Variants in INSR observed in about 807,000 individuals in gnomAD.
INSR encodes insulin receptor, also known as IR.
A neutral mutation model predicts 142.6 loss-of-function variants in INSR; 67 were observed. The ratio of observed to expected loss-of-function variants is 0.47; its 90% CI spans 0.39 to 0.58. The LOEUF (loss-of-function observed/expected upper bound fraction) is 0.58. Ranked by LOEUF, INSR falls within the 20% of genes least tolerant of loss-of-function variation. INSR has a pLI of 0.00. For missense variants in INSR, 1,248 were observed against 1,833.2 expected (o/e 0.68, Z 5.83); for synonymous variants, 756 against 743.1 (o/e 1.02, Z -0.28).
At position 7,184,328 on chromosome 19, in the gene INSR, A is replaced by T; in HGVS notation, c.962T>A (p.Met321Lys). Residue 321 changes from methionine (M) to lysine (K), a missense_variant, in exon 3 of 22, where the codon ATG becomes AAG. This residue lies in a region of INSR where 1,069 missense variants were observed against 1,654.0 expected (regional missense o/e 0.65). Transcript: ENST00000302850. ...ATCCAGAACTCACTTGCTGGAATTC[A>T]TCGTGTACCCGGAGGGACACTCAGG... ...CIPECPSGYT[M>K]NSSNLLCTPC... 1 of 1,613,768 alleles carries T rather than the reference A, an allele frequency of 6.2e-7. No homozygotes were observed. Among genetic ancestry groups the T allele is most frequent in the Non-Finnish European group, 8.5e-7 (1 of 1,179,964 alleles).
At chr19:7,140,241 C>T (rs1057161399) in intron 13 of INSR, among the ~76,000 whole-genome samples, 3 of 152,186 alleles carry the variant, frequency 2.0e-5, no homozygotes, top group African/African-American at 4.8e-5. Flanking sequence ...AGGACTCCCT[C>T]TCAAAGTTCC....
Position 7,249,058 on chromosome 19 carries a change from T to C in INSR, c.652+18287A>G, listed in dbSNP as rs115550139. On this transcript the variant is annotated intron_variant, in intron 2 of 21. Transcript: ENST00000302850. ...ACAGGCGTGAGTTACTGCGCCCATG[T>C]CCCCCAGTATCTTTTGAAGCCATCC... Among the ~76,000 whole-genome samples, 1,415 of 152,186 alleles carry C rather than the reference T, an allele frequency of 9.3e-3. 22 individuals carry two copies. The highest frequency in any genetic ancestry group is 0.032 in the African/African-American group (1,336 of 41,540).
intron 17 of INSR, among the ~76,000 whole-genome samples, chr19:7,123,582 T>A (rs1204974425): frequency 2.0e-5 from 3 of 152,078 alleles, no homozygotes; most frequent in African/African-American, 7.2e-5. Context: ...AACCCTCCTT[T>A]CCTCCCTTTC....
intron 2 of INSR, among the ~76,000 whole-genome samples, chr19:7,237,677 A>T (rs1345659283): frequency 2.0e-5 from 3 of 150,284 alleles, no homozygotes; most frequent in Non-Finnish European, 4.4e-5. Context: ...TTAGCCAGGC[A>T]TGGTGGCGGG....
chr19:7,258,834 T>C (rs1383963542), intron 2 of INSR, among the ~76,000 whole-genome samples: 1 of 148,960 alleles, frequency 6.7e-6, no homozygotes, highest in African/African-American at 2.5e-5. Flanking sequence ...CAAGACAGAA[T>C]GAGAAGGCTG....
chr19:7,264,799 G>T (rs936675201), intron 2 of INSR, among the ~76,000 whole-genome samples: 5 of 152,146 alleles, frequency 3.3e-5, no homozygotes, highest in Admixed American at 1.3e-4. Flanking sequence ...TTTCCACAGT[G>T]CAATAATAAC....
intron 1 of INSR, among the ~76,000 whole-genome samples, chr19:7,280,220 C>A (rs890731894): frequency 6.6e-6 from 1 of 151,274 alleles, no homozygotes; most frequent in East Asian, 2.0e-4. Flanking sequence ...GTCGAGACTG[C>A]GCCACTGCAC....
chr19:7,119,651 A>AAC lies in INSR; in HGVS notation c.3660-70_3660-69dup, dbSNP rs4031067. ...ACACACACACACACGCGCGCGCGCA[A>AAC]ACACACACACGCAAACGCACACACA... On this transcript the variant is annotated intron_variant, in intron 20 of 21. Coordinates refer to ENST00000302850, the MANE Select transcript of INSR (RefSeq NM_000208.4). The surrounding 1 kb of genome is among the most constrained non-coding windows in gnomAD (Gnocchi z 5.2). 2.7e-6 allele frequency: 4 copies of AAC among 1,478,958 alleles called. No individual in the cohort carries two copies. Among genetic ancestry groups the AAC allele is most frequent in the East Asian group, 2.2e-5 (1 of 44,562 alleles). The allele number at this position is 1,478,958 out of a possible 1,614,324, so 91.6% of individuals were successfully genotyped here.
chr19:7,217,581 C>T (rs545523328), intron 2 of INSR, among the ~76,000 whole-genome samples: 6 of 152,262 alleles, frequency 3.9e-5, no homozygotes, highest in South Asian at 2.1e-4. Flanking sequence ...TTTTTTGAGA[C>T]GGAGTCTCGC....
chr19:7,201,817 A>G (rs1298808133), intron 2 of INSR, among the ~76,000 whole-genome samples: 1 of 131,842 alleles, frequency 7.6e-6, no homozygotes, highest in African/African-American at 2.9e-5. Context: ...CGCGGCCACC[A>G]CGCCTAGCTA....
chr19:7,178,051 CTTG>C (rs1974180881), intron 3 of INSR, among the ~76,000 whole-genome samples: 1 of 151,992 alleles, frequency 6.6e-6, no homozygotes, highest in African/African-American at 2.4e-5. Flanking sequence ...TGGTGGCATC[CTTG>C]TTGCTGCTGC....
At chr19:7,137,545 T>C (rs1439022212) in intron 13 of INSR, among the ~76,000 whole-genome samples, 1 of 152,060 alleles carries the variant, frequency 6.6e-6, no homozygotes, top group Non-Finnish European at 1.5e-5. Flanking sequence ...CCCAGCACTT[T>C]GGGATGCCAA....
chr19:7,224,310 G>A (rs965234740), intron 2 of INSR, among the ~76,000 whole-genome samples: 2 of 146,888 alleles, frequency 1.4e-5, no homozygotes, highest in African/African-American at 5.1e-5. Context: ...GCAAATCTCC[G>A]TTTCAGTCTT....
rs1973295591 is a variant in INSR, at chr19:7,150,052, T to C, written c.2267+445A>G. Among the ~76,000 whole-genome samples the C allele has an allele frequency of 6.6e-6, 1 of 152,164 alleles. No individual in the cohort carries two copies. ...ACGGTGTTCTTTTGTTCATACCCTGTCGCCCTTTCATGAAAATATTCTGTT... is the reference window on the plus strand; with the variant it reads ...ACGGTGTTCTTTTGTTCATACCCTGCCGCCCTTTCATGAAAATATTCTGTT... On this transcript the variant is annotated intron_variant, in intron 11 of 21. Transcript: ENST00000302850. The surrounding 1 kb of genome is among the most constrained non-coding windows in gnomAD (Gnocchi z 4.2).
At chr19:7,293,061 A>T (rs1023075507) in intron 1 of INSR, among the ~76,000 whole-genome samples, 1 of 152,212 alleles carries the variant, frequency 6.6e-6, no homozygotes, top group Non-Finnish European at 1.5e-5. Flanking sequence ...GCATAACTGT[A>T]TCTGCCTCCG....
chr19:7,152,405 GAA>G lies in INSR; in HGVS notation c.2231+319_2231+320del, dbSNP rs77282303. The G allele has an allele frequency of 1.7e-4, 56 of 339,166 alleles. No homozygotes were observed. In the East Asian group the frequency reaches 2.2e-3, roughly 13 times the overall value. The allele number at this position is 339,166 out of a possible 1,614,324, so 21.0% of individuals were successfully genotyped here. The stretch of plus-strand genomic sequence containing the variant: ...AAAAAAAAAAAAAAAGAGAGAGAGA[GAA>G]AAAAAAAAATGTTAATCGTCTAACG... On this transcript the variant is annotated intron_variant, in intron 10 of 21. Coordinates refer to ENST00000302850, the MANE Select transcript of INSR (RefSeq NM_000208.4).
At chr19:7,195,192 C>T (rs1414972698) in intron 2 of INSR, among the ~76,000 whole-genome samples, 1 of 152,182 alleles carries the variant, frequency 6.6e-6, no homozygotes, top group Non-Finnish European at 1.5e-5. Context: ...AAAAATACTT[C>T]AAGTAACATT....
At chr19:7,291,446 G>T (rs1313200351) in intron 1 of INSR, among the ~76,000 whole-genome samples, 1 of 152,202 alleles carries the variant, frequency 6.6e-6, no homozygotes, top group Admixed American at 6.5e-5. Flanking sequence ...TAATTCTTAG[G>T]AAGGTATTAT....
chr19:7,163,432 C>T (rs1184189696), intron 8 of INSR, among the ~76,000 whole-genome samples: 2 of 151,802 alleles, frequency 1.3e-5, no homozygotes, highest in East Asian at 1.9e-4. Context: ...TGGTGGTGGG[C>T]GCCTGTAGTC....
Sources: allele counts gnomAD v4.1 joint callset (sites outside exome capture counted in the v4.1 genomes callset), GRCh38; gene constraint gnomAD v4.1.1; regional missense constraint gnomAD v4.1.1; non-coding constraint Gnocchi (gnomAD v3.1); transcripts MANE v1.5; gene names NCBI Gene and HGNC (gene_info 2026-07-23, HGNC 2026-07-21).